The following CARD8 variants were observed in gnomAD, a reference collection of about 807,000 sequenced individuals.
CARD8 encodes the protein caspase recruitment domain-containing protein 8.
Under a neutral mutation model 53.2 loss-of-function variants are expected in CARD8, and 38 were observed. That is an observed-to-expected ratio of 0.71 (90% confidence interval 0.55 to 0.94). The LOEUF (loss-of-function observed/expected upper bound fraction) is 0.94, where lower values mean the gene tolerates loss of function less well. Ranked by LOEUF, CARD8 falls within the 40% of genes least tolerant of loss-of-function variation. The pLI, the probability that CARD8 is intolerant of heterozygous loss-of-function variation, is 0.00. For synonymous variants in CARD8, 245 were observed against 244.9 expected (o/e 1.00, Z 0.00); for missense variants, 561 against 655.5 (o/e 0.86, Z 1.57).
chr19:48,221,922 GTTAT>G, intron 10 of CARD8, 67 bp from the exon 11 acceptor site: 11 of 1,388,610 alleles, frequency 7.9e-6, no homozygotes, highest in Non-Finnish European at 8.8e-6. Flanking sequence ...GGCATAAAAA[GTTAT>G]TTATATGGTA....
chr19:48,232,902 C>A (rs1355798195), intron 6 of CARD8: 1 of 410,372 alleles, frequency 2.4e-6, no homozygotes, highest in African/African-American at 2.1e-5. Context: ...TCCTTCTTCT[C>A]TTTGTATTAT....
At chr19:48,203,376 T>G (rs965200223), downstream of CARD8, 3 of 152,252 alleles carry the variant, frequency 2.0e-5, no homozygotes, top group African/African-American at 7.2e-5. Flanking sequence ...GTGATTAAGC[T>G]TATCAAGTAT....
At chr19:48,226,106 T>C (rs1375523821) in intron 10 of CARD8, among the ~76,000 whole-genome samples, 3 of 151,590 alleles carry the variant, frequency 2.0e-5, no homozygotes, top group Non-Finnish European at 4.4e-5. Flanking sequence ...AATTATTTGA[T>C]TCATGTTCTA....
chr19:48,240,414 T>C (rs1312525443), intron 4 of CARD8, among the ~76,000 whole-genome samples: 4 of 151,920 alleles, frequency 2.6e-5, no homozygotes, highest in African/African-American at 7.3e-5. Flanking sequence ...ATGGTCAGAA[T>C]CAAGGAAGGA....
chr19:48,220,383 C>G (rs1035863703), intron 11 of CARD8, among the ~76,000 whole-genome samples: 5 of 152,132 alleles, frequency 3.3e-5, no homozygotes, highest in Non-Finnish European at 5.9e-5. Flanking sequence ...AATACTGACA[C>G]CTAACCCTCT....
At chr19:48,215,536 C>T (rs1600106537) in intron 12 of CARD8, 152 bp from the exon 13 acceptor site, 1 of 575,886 alleles carries the variant, frequency 1.7e-6, no homozygotes, top group East Asian at 3.0e-5. Context: ...GAGGAAACCC[C>T]ATTAAGTTGT....
chr19:48,226,010 G>T (rs1164052945), intron 10 of CARD8, among the ~76,000 whole-genome samples: 1 of 132,836 alleles, frequency 7.5e-6, no homozygotes, highest in African/African-American at 2.9e-5. Flanking sequence ...CTGAGATCAC[G>T]CCCACTGCAC....
intron 13 of CARD8, among the ~76,000 whole-genome samples, chr19:48,214,476 T>C (rs1384075490): frequency 6.6e-6 from 1 of 152,190 alleles, no homozygotes; most frequent in Non-Finnish European, 1.5e-5. Flanking sequence ...TTAACTGGCC[T>C]ATAACCTCTT....
At chr19:48,242,055 T>G (rs1451464582) in intron 3 of CARD8, among the ~76,000 whole-genome samples, 2 of 152,120 alleles carry the variant, frequency 1.3e-5, no homozygotes, top group African/African-American at 4.8e-5. Context: ...ATAGGTTGAC[T>G]CATTCTGGAC....
chr19:48,223,317 G>T (rs60285253), intron 10 of CARD8, among the ~76,000 whole-genome samples: 6,058 of 149,904 alleles, frequency 0.04, 383 homozygotes, highest in African/African-American at 0.13. Context: ...AAAAAAAAAA[G>T]AAATAAAGAA....
chr19:48,211,745 A>G lies in CARD8; in HGVS notation c.1579T>C (p.Tyr527His). The change falls in exon 14 of 14, where the codon TAC becomes CAC. Residue 527 changes from tyrosine (Y) to histidine (H), a missense_variant. By Grantham distance (83) the Tyr-to-His change is moderately conservative. Transcript: ENST00000651546. Reference protein sequence around the residue: ...LFRSISERDPYLVSYLRQQNL With the variant: ...LFRSISERDPHLVSYLRQQNL ...TGCTGTCTAAGATAGGACACGAGGTAAGGGTCCCTTTCACTAATGCTTCTG... is the reference window on the plus strand; with the variant it reads ...TGCTGTCTAAGATAGGACACGAGGTGAGGGTCCCTTTCACTAATGCTTCTG... The G allele has an allele frequency of 1.9e-6, 3 of 1,614,146 alleles. No homozygotes were observed. Among genetic ancestry groups the G allele is most frequent in the Non-Finnish European group, 2.5e-6 (3 of 1,180,000 alleles).
In CARD8 at chr19:48,215,398, A is replaced by G. The variant is rs1325590779; in HGVS notation, c.1304-14T>C. 6 of 1,591,160 alleles carry G rather than the reference A, an allele frequency of 3.8e-6. No homozygotes were observed. In the South Asian group the frequency reaches 6.6e-5, roughly 18 times the overall value. ...GCTGGAGATCCACTACAAAAGAGGG[A>G]AAAATTATATGATGAGATGAGATAA... On this transcript the variant is annotated splice_polypyrimidine_tract_variant and intron_variant, in intron 12 of 13. Transcript: ENST00000651546.
intron 4 of CARD8, among the ~76,000 whole-genome samples, chr19:48,239,004 C>T (rs2044446225): frequency 1.3e-5 from 2 of 152,184 alleles, no homozygotes; most frequent in African/African-American, 4.8e-5. Context: ...TGGTGATGCT[C>T]GCTACTGGCT....
chr19:48,216,195 T>C (rs1217986909), intron 12 of CARD8, among the ~76,000 whole-genome samples: 1 of 151,090 alleles, frequency 6.6e-6, no homozygotes, highest in African/African-American at 2.4e-5. Flanking sequence ...AATAAAAAAG[T>C]AAACAATGTA....
In CARD8 at chr19:48,234,434, C is replaced by T. The variant is rs1455455658; in HGVS notation, c.319G>A (p.Glu107Lys). 6.2e-7 allele frequency: 1 copy of T among 1,613,442 alleles called. No individual in the cohort carries two copies. The highest frequency in any genetic ancestry group is 8.5e-7 in the Non-Finnish European group (1 of 1,179,778). ...AEPLLFRAVP[E>K]CQLSGGDIPS... The stretch of plus-strand genomic sequence containing the variant: ...ATGTCCCCCCCAGATAGTTGACACT[C>T]AGGAACAGCACGGAACAATAATGGC... The change falls in exon 6 of 14, where the codon GAG (glutamate) becomes AAG (lysine). Residue 107 changes from glutamate to lysine, a missense_variant. Physicochemically the swap from Glu to Lys is moderately conservative, Grantham distance 56. Coordinates refer to ENST00000651546, the MANE Select transcript of CARD8 (RefSeq NM_001184900.3).
intron 3 of CARD8, chr19:48,242,573 C>T (rs1164506571): frequency 6.6e-6 from 1 of 152,150 alleles, no homozygotes; most frequent in Non-Finnish European, 1.5e-5. Context: ...AATATTCCAC[C>T]GTATGGAGAC....
intron 10 of CARD8, among the ~76,000 whole-genome samples, chr19:48,222,684 G>C (rs549397150): frequency 9.4e-5 from 14 of 148,214 alleles, no homozygotes; most frequent in African/African-American, 3.6e-4. Flanking sequence ...GCGAGACTCT[G>C]TCTCACCAAA....
At chr19:48,231,839 G>A in intron 7 of CARD8, 29 bp from the exon 8 acceptor site, 1 of 1,611,028 alleles carries the variant, frequency 6.2e-7, no homozygotes, top group Admixed American at 1.7e-5. Flanking sequence ...ACATGTAAGA[G>A]GTAAAGGGTT....
rs1376334155 is a variant in CARD8, at chr19:48,231,923, G to A, written c.392-113C>T. On this transcript the variant is annotated intron_variant, in intron 7 of 13. Coordinates refer to ENST00000651546, the MANE Select transcript of CARD8 (RefSeq NM_001184900.3). ...CTGTTGGGATACAGATATCGAATGA[G>A]AGCTGAGAGTGACCAGAATATGCAG... 3 of 905,562 alleles carry A rather than the reference G, an allele frequency of 3.3e-6. No homozygotes were observed. The South Asian group carries it at 4.0e-5, about 12-fold the overall frequency. The allele number at this position is 905,562 out of a possible 1,614,324, so 56.1% of individuals were successfully genotyped here.
Sources: allele counts gnomAD v4.1 joint callset (sites outside exome capture counted in the v4.1 genomes callset), GRCh38; gene constraint gnomAD v4.1.1; transcripts MANE v1.5; gene names NCBI Gene and HGNC (gene_info 2026-07-23, HGNC 2026-07-21).